ARPP19: variants seen among roughly 807,000 people sequenced by gnomAD.
ARPP19 encodes the protein cAMP-regulated phosphoprotein 19.
ARPP19 carries 8 observed loss-of-function variants against 12.0 expected under a neutral mutation model. That is an observed-to-expected ratio of 0.67 (90% CI 0.39 to 1.21). ARPP19 has a LOEUF of 1.21. Ranked by LOEUF, ARPP19 falls within the 50% of genes most tolerant of loss-of-function variation. The pLI is 0.01. For missense variants in ARPP19, 102 were observed against 136.3 expected (o/e 0.75, Z 1.25); for synonymous variants, 47 against 50.4 (o/e 0.93, Z 0.29).
rs2077887341 is a variant in ARPP19 at position 52,547,413 on chromosome 15, G to A, written c.*4521C>T. 6.6e-6 allele frequency: 1 copy of A among 152,214 alleles called. No individual in the cohort carries two copies. Among genetic ancestry groups the A allele is most frequent in the Admixed American group, 6.5e-5 (1 of 15,276 alleles). The allele number at this position is 152,214 out of a possible 1,614,324, so 9.4% of individuals were successfully genotyped here. A position where few individuals can be genotyped will look rare whatever the true frequency, so the allele number is the denominator to read the frequency against. On this transcript the variant is annotated 3_prime_UTR_variant, in exon 3 of 3. Coordinates refer to ENST00000249822, the MANE Select transcript of ARPP19 (RefSeq NM_006628.6). ...TCTTGGCCCTTTCAGTACAGGCGAA[G>A]TGTTCTATTGCATCACAAGTGCTAG...
At chr15:52,557,018 C>A in intron 2 of ARPP19, 82 bp downstream of exon 2, 1 of 1,439,002 alleles carries the variant, frequency 6.9e-7, no homozygotes, top group South Asian at 1.2e-5. Context: ...CAATGCTATA[C>A]GCACAGATAT....
intron 2 of ARPP19, 46 bp downstream of exon 2, chr15:52,557,054 G>T: frequency 6.3e-7 from 1 of 1,597,722 alleles, no homozygotes; most frequent in South Asian, 1.1e-5. Context: ...TCAGCATACT[G>T]AGTTTGTAGG....
At chr15:52,561,154 C>A (rs2078028718) in intron 1 of ARPP19, among the ~76,000 whole-genome samples, 1 of 152,126 alleles carries the variant, frequency 6.6e-6, no homozygotes, top group African/African-American at 2.4e-5. Context: ...TTCAAAAATG[C>A]AAAATAGAAC....
intron 1 of ARPP19, among the ~76,000 whole-genome samples, chr15:52,564,424 A>G (rs2078063353): frequency 6.6e-6 from 1 of 152,226 alleles, no homozygotes; most frequent in Non-Finnish European, 1.5e-5. Context: ...ACATAACAAA[A>G]ACATTCTTCA....
intron 1 of ARPP19, among the ~76,000 whole-genome samples, chr15:52,564,853 T>C (rs2078067008): frequency 6.6e-6 from 1 of 152,220 alleles, no homozygotes; most frequent in African/African-American, 2.4e-5. Context: ...TTCTCTGTGG[T>C]ACTAGCATTG....
chr15:52,568,286 C>T (rs1317265293), intron 1 of ARPP19: 1 of 152,450 alleles, frequency 6.6e-6, no homozygotes, highest in East Asian at 1.9e-4. Flanking sequence ...ACACCTGACT[C>T]ACCTCCTCTA....
rs1378159687 is a variant in ARPP19, at chr15:52,547,612, TAAAGTC to T, written c.*4316_*4321del. The T allele has an allele frequency of 6.6e-6, 1 of 152,208 alleles. No individual in the cohort carries two copies. 9.4% of individuals were successfully genotyped at this position (152,208 alleles called of 1,614,324 possible). ...AGGTTGAAACTTAGTAAAACCGTAT[TAAAGTC>T]AGTGTTTTTATTCTTAGATTAACAA... On this transcript the variant is annotated 3_prime_UTR_variant, in exon 3 of 3. Transcript: ENST00000249822.
chr15:52,562,852 G>A (rs1408506303), intron 1 of ARPP19, among the ~76,000 whole-genome samples: 1 of 145,432 alleles, frequency 6.9e-6, no homozygotes. Flanking sequence ...GGTGGATATG[G>A]CAAGCTTAAG....
At chr15:52,558,842 G>GA (rs542304171) in intron 1 of ARPP19, among the ~76,000 whole-genome samples, 2 of 151,062 alleles carry the variant, frequency 1.3e-5, no homozygotes, top group South Asian at 2.1e-4. Flanking sequence ...CCACGGGGGG[G>GA]AAAAAATTAC....
intron 1 of ARPP19, chr15:52,557,795 G>A (rs1427370066): frequency 6.6e-6 from 1 of 151,700 alleles, no homozygotes; most frequent in African/African-American, 2.4e-5. Context: ...GCCTAGGCTG[G>A]TCTTGAACTC....
intron 1 of ARPP19, chr15:52,568,556 C>T (rs2078107825): frequency 5.3e-6 from 2 of 378,562 alleles, no homozygotes; most frequent in South Asian, 7.9e-5. Context: ...TTAGGCTCTA[C>T]GCCCAAAGCC....
At chr15:52,556,945 T>C in intron 2 of ARPP19, 155 bp downstream of exon 2, 2 of 685,380 alleles carry the variant, frequency 2.9e-6, no homozygotes, top group Non-Finnish European at 2.3e-6. Flanking sequence ...ATTTATAAAC[T>C]GCAAAATATT....
intron 1 of ARPP19, among the ~76,000 whole-genome samples, chr15:52,563,695 C>T (rs992395949): frequency 2.0e-5 from 3 of 152,182 alleles, no homozygotes; most frequent in African/African-American, 4.8e-5. Flanking sequence ...GAGGGTTATA[C>T]AGCAACGTCA....
chr15:52,554,896 A>G (rs749481397), intron 2 of ARPP19, among the ~76,000 whole-genome samples: 2 of 152,124 alleles, frequency 1.3e-5, no homozygotes, highest in South Asian at 4.1e-4. Context: ...AATAACATTA[A>G]TGAGTACAAC....
chr15:52,568,888 G>A lies in ARPP19; in HGVS notation c.5C>T (p.Ser2Phe), dbSNP rs767453948. 1.3e-6 allele frequency: 2 copies of A among 1,548,188 alleles called. No homozygotes were observed. Among genetic ancestry groups the A allele is most frequent in the East Asian group, 2.6e-5 (1 of 37,768 alleles). The change falls in exon 1 of 3, where the codon TCT becomes TTT. Residue 2 changes from serine (S) to phenylalanine (F), a missense_variant. Physicochemically the swap from Ser to Phe is radical, Grantham distance 155. Coordinates refer to ENST00000249822, the MANE Select transcript of ARPP19 (RefSeq NM_006628.6). ...GGAGGCTGCCTCGGGGACTTCCGCA[G>A]ACATAGTGCTCCCTCTGCAGACGAG... M[S>F]AEVPEAASAE...
Position 52,565,213 on chromosome 15 carries a change from C to T in ARPP19, c.45+3635G>A, listed in dbSNP as rs369283518. On this transcript the variant is annotated intron_variant, in intron 1 of 2. Coordinates refer to ENST00000249822, the MANE Select transcript of ARPP19 (RefSeq NM_006628.6). ...AGGTGTAGATTTATTATTTTAGAGACGGGGTTTTGCTATGTTGCCCAGGCC... is the reference window on the plus strand; with the variant it reads ...AGGTGTAGATTTATTATTTTAGAGATGGGGTTTTGCTATGTTGCCCAGGCC... Among the ~76,000 whole-genome samples the T allele has an allele frequency of 2.4e-3, 371 of 151,496 alleles. 3 individuals carry two copies. The highest frequency in any genetic ancestry group is 7.8e-3 in the African/African-American group (322 of 41,232).
chr15:52,553,904 T>G (rs1326467096), intron 2 of ARPP19, among the ~76,000 whole-genome samples: 2 of 152,242 alleles, frequency 1.3e-5, no homozygotes, highest in Non-Finnish European at 2.9e-5. Flanking sequence ...AGACAGAAAC[T>G]GCTTTAATGT....
rs2077922326 is a variant in ARPP19 at position 52,550,720 on chromosome 15, C to A, written c.*1214G>T. On this transcript the variant is annotated 3_prime_UTR_variant, in exon 3 of 3. Transcript: ENST00000249822. Reference sequence around the variant, plus strand: ...ATATAGACACCTATGCTTCCATATACAACAAACAGCTCAATACCATTTGAG... The same window carrying A: ...ATATAGACACCTATGCTTCCATATAAAACAAACAGCTCAATACCATTTGAG... 1 of 152,276 alleles carries A rather than the reference C, an allele frequency of 6.6e-6. No individual in the cohort carries two copies. The highest frequency in any genetic ancestry group is 2.4e-5 in the African/African-American group (1 of 41,364). 9.4% of individuals were successfully genotyped at this position (152,276 alleles called of 1,614,324 possible).
intron 1 of ARPP19, among the ~76,000 whole-genome samples, chr15:52,566,646 G>A (rs2078084979): frequency 6.6e-6 from 1 of 151,416 alleles, no homozygotes; most frequent in Admixed American, 6.6e-5. Context: ...ATGTTGACCA[G>A]GCTGGTCTCA....
Sources: gnomAD v4.1 joint callset for allele counts (sites outside exome capture counted in the v4.1 genomes callset) on GRCh38, gnomAD v4.1.1 for gene constraint, MANE v1.5 for transcripts, NCBI Gene and HGNC (gene_info 2026-07-23, HGNC 2026-07-21) for gene names.